The following KSR1 variants were observed in gnomAD, a reference collection of about 807,000 sequenced individuals.
KSR1 encodes the protein kinase suppressor of ras 1.
KSR1 carries 35 observed loss-of-function variants against 92.9 expected under a neutral mutation model. The observed-to-expected ratio is 0.38, with a 90% CI of 0.29 to 0.50. KSR1 has a LOEUF of 0.50. KSR1 is among the 20% of genes least tolerant of loss of function. The probability of loss-of-function intolerance (pLI) is 0.94; values close to 1 mark genes in which losing one functional copy is unlikely to be tolerated. For synonymous variants in KSR1, 467 were observed against 472.6 expected (o/e 0.99, Z 0.15); for missense variants, 972 against 1,158.5 (o/e 0.84, Z 2.34).
chr17:27,564,558 A>T (rs1010330395), intron 2 of KSR1, among the ~76,000 whole-genome samples: 13 of 152,226 alleles, frequency 8.5e-5, no homozygotes, highest in Admixed American at 3.9e-4. Flanking sequence ...TCCGCATGGC[A>T]GGTATGAAGA....
chr17:27,497,791 T>C (rs1193981898), intron 1 of KSR1, among the ~76,000 whole-genome samples: 1 of 152,232 alleles, frequency 6.6e-6, no homozygotes, highest in East Asian at 1.9e-4. Flanking sequence ...CCTGTTTGGC[T>C]GCAGCAACAC....
chr17:27,480,129 C>T (rs2150941105), intron 1 of KSR1, among the ~76,000 whole-genome samples: 1 of 152,296 alleles, frequency 6.6e-6, no homozygotes, highest in South Asian at 2.1e-4. Context: ...TTCTGTCCTT[C>T]ACCCCATTGC....
chr17:27,522,254 T>C (rs2070064989), intron 1 of KSR1, among the ~76,000 whole-genome samples: 1 of 151,738 alleles, frequency 6.6e-6, no homozygotes, highest in Non-Finnish European at 1.5e-5. Context: ...ACAGGCAGAG[T>C]CAGGAAAAAC....
intron 1 of KSR1, among the ~76,000 whole-genome samples, chr17:27,490,062 G>A (rs1050370699): frequency 2.0e-5 from 3 of 152,308 alleles, no homozygotes; most frequent in South Asian, 2.1e-4. Flanking sequence ...GTAAGGTGTC[G>A]GGCAAGTGTG....
intron 1 of KSR1, among the ~76,000 whole-genome samples, chr17:27,510,888 T>C (rs2069575059): frequency 6.6e-6 from 1 of 152,178 alleles, no homozygotes; most frequent in Non-Finnish European, 1.5e-5. Flanking sequence ...GCCAGAGTTA[T>C]CTTGGTATGG....
chr17:27,469,062 A>G (rs2019843934), intron 1 of KSR1, among the ~76,000 whole-genome samples: 1 of 152,036 alleles, frequency 6.6e-6, no homozygotes, highest in Non-Finnish European at 1.5e-5. Context: ...GGCCCTGGAG[A>G]GAAGAGCTGC....
rs144706565 is a variant in KSR1 at position 27,467,323 on chromosome 17, C to T, written c.231+10449C>T. Among the ~76,000 whole-genome samples the T allele has an allele frequency of 9.1e-4, 138 of 152,342 alleles. 2 individuals are homozygous for T. Among genetic ancestry groups the T allele is most frequent in the African/African-American group, 3.2e-3 (135 of 41,578 alleles). ...CTGGGGGGTAGCCCCAAACCCTGGG[C>T]CAGGCCATAGTGATTCCTTGGTGTG... On this transcript the variant is annotated intron_variant, in intron 1 of 20. Coordinates refer to ENST00000644974, the MANE Select transcript of KSR1 (RefSeq NM_001394583.1).
intron 1 of KSR1, among the ~76,000 whole-genome samples, chr17:27,469,943 T>A (rs900145015): frequency 2.6e-4 from 39 of 152,044 alleles, no homozygotes; most frequent in Non-Finnish European, 1.8e-4. Context: ...TTTGTTTTCT[T>A]GGGATAATTC....
rs1375198503 is a variant in KSR1 at position 27,599,745 on chromosome 17, C to G, written c.1469-1615C>G. 2.0e-5 allele frequency among the ~76,000 whole-genome samples: 3 copies of G among 152,260 alleles called. No homozygotes were observed. In the East Asian group the frequency reaches 5.8e-4, roughly 29 times the overall value. On this transcript the variant is annotated intron_variant, in intron 10 of 20. Transcript: ENST00000644974. The stretch of plus-strand genomic sequence containing the variant: ...ACTTTTTTACATTATAATCTTTAAA[C>G]ATTTTTTTTAACTTGGACTCTTTTG...
intron 1 of KSR1, among the ~76,000 whole-genome samples, chr17:27,498,606 G>T (rs532712114): frequency 2.6e-5 from 4 of 152,154 alleles, no homozygotes; most frequent in Admixed American, 2.0e-4. Context: ...GCCTCTGTGC[G>T]CTGTTTCTCC....
intron 1 of KSR1, among the ~76,000 whole-genome samples, chr17:27,478,206 C>G (rs1415897519): frequency 6.6e-6 from 1 of 152,198 alleles, no homozygotes; most frequent in African/African-American, 2.4e-5. Context: ...CAGGGCTAAA[C>G]TAACCTCACA....
intron 2 of KSR1, among the ~76,000 whole-genome samples, chr17:27,573,908 T>C (rs889937476): frequency 6.6e-6 from 1 of 152,340 alleles, no homozygotes; most frequent in Admixed American, 6.5e-5. Flanking sequence ...TGTAGTTACT[T>C]TGAGAACTTG....
Position 27,601,419 on chromosome 17 carries a change from T to C in KSR1, c.1510+18T>C. ...CTTTCCAGGTGAGTCCTTTGCATGG[T>C]TCCATTAACTGCCCTTTGCTGTGAC... On this transcript the variant is annotated intron_variant, in intron 11 of 20. Transcript: ENST00000644974. 1 of 1,608,608 alleles carries C rather than the reference T, an allele frequency of 6.2e-7. No homozygotes were observed.
At chr17:27,469,514 A>G (rs747537900) in intron 1 of KSR1, among the ~76,000 whole-genome samples, 59 of 152,138 alleles carry the variant, frequency 3.9e-4, no homozygotes, top group Non-Finnish European at 7.1e-4. Flanking sequence ...ACATATTCGT[A>G]TTCTGACTCC....
chr17:27,488,979 T>A (rs181817640), intron 1 of KSR1, among the ~76,000 whole-genome samples: 3,852 of 152,148 alleles, frequency 0.025, 70 homozygotes, highest in Non-Finnish European at 0.034. Context: ...AATTTTTTTT[T>A]AAAAAATGTC....
intron 6 of KSR1, among the ~76,000 whole-genome samples, chr17:27,590,530 T>C (rs2073128377): frequency 6.6e-6 from 1 of 152,208 alleles, no homozygotes; most frequent in African/African-American, 2.4e-5. Context: ...GGTCAAAGGG[T>C]ATGCGCACTT....
Position 27,472,239 on chromosome 17 carries a change from C to T in KSR1, c.231+15365C>T, listed in dbSNP as rs183304762. On this transcript the variant is annotated intron_variant, in intron 1 of 20. Coordinates refer to ENST00000644974, the MANE Select transcript of KSR1 (RefSeq NM_001394583.1). Reference sequence around the variant, plus strand: ...AATGTAGATTTGGGGACATTGTGCTCCTCATGGGTTTCTTCCCGTAGGATG... The same window carrying T: ...AATGTAGATTTGGGGACATTGTGCTTCTCATGGGTTTCTTCCCGTAGGATG... Among the ~76,000 whole-genome samples, 58 of 152,256 alleles carry T rather than the reference C, an allele frequency of 3.8e-4. No homozygotes were observed. In the Middle Eastern group the frequency reaches 0.014, roughly 36 times the overall value.
chr17:27,506,448 TAG>T (rs2069384779), intron 1 of KSR1, among the ~76,000 whole-genome samples: 1 of 152,244 alleles, frequency 6.6e-6, no homozygotes, highest in African/African-American at 2.4e-5. Flanking sequence ...ATGTTCACTG[TAG>T]AGTTTTTAAG....
chr17:27,561,669 C>T (rs750298656), intron 2 of KSR1, among the ~76,000 whole-genome samples: 1 of 152,174 alleles, frequency 6.6e-6, no homozygotes, highest in Non-Finnish European at 1.5e-5. Flanking sequence ...AACATGAGTT[C>T]CTGTCCTTCT....
Sources: gnomAD v4.1 joint callset for allele counts (sites outside exome capture counted in the v4.1 genomes callset) on GRCh38, gnomAD v4.1.1 for gene constraint, MANE v1.5 for transcripts, NCBI Gene and HGNC (gene_info 2026-07-23, HGNC 2026-07-21) for gene names.